The following SEMA5A variants were observed in gnomAD, a reference collection of about 807,000 sequenced individuals.
SEMA5A encodes the protein semaphorin 5A, also known as semaphorin-5A.
SEMA5A carries 55 observed loss-of-function variants against 135.5 expected under a neutral mutation model. The ratio of observed to expected loss-of-function variants is 0.41; its 90% confidence interval spans 0.33 to 0.51. The LOEUF (loss-of-function observed/expected upper bound fraction) is 0.51. SEMA5A is among the 20% of genes least tolerant of loss of function. The pLI is 0.37. For synonymous variants in SEMA5A, 580 were observed against 546.5 expected, an observed-to-expected ratio of 1.06 and a Z score of -0.85; for missense variants, 1,290 against 1,419.9, an observed-to-expected ratio of 0.91 and a Z score of 1.47.
intron 5 of SEMA5A, among the ~76,000 whole-genome samples, chr5:9,313,259 A>G (rs376414470): frequency 6.6e-6 from 1 of 152,192 alleles, no homozygotes; most frequent in African/African-American, 2.4e-5. Context: ...ACAAGTGGTT[A>G]GTATGTAAGG....
At chr5:9,292,699 G>GA (rs1184744161) in intron 5 of SEMA5A, among the ~76,000 whole-genome samples, 3 of 152,024 alleles carry the variant, frequency 2.0e-5, no homozygotes, top group East Asian at 1.9e-4. Flanking sequence ...TCCATACAAA[G>GA]AAAAAAATCA....
intron 16 of SEMA5A, among the ~76,000 whole-genome samples, chr5:9,078,137 G>A (rs1282765730): frequency 6.6e-6 from 1 of 152,176 alleles, no homozygotes; most frequent in East Asian, 1.9e-4. Context: ...GAGAGCAAAA[G>A]CCAGGAATTC....
At chr5:9,375,569 T>C (rs549650646) in intron 3 of SEMA5A, among the ~76,000 whole-genome samples, 1 of 149,854 alleles carries the variant, frequency 6.7e-6, no homozygotes, top group South Asian at 2.2e-4. Context: ...CCTCCAGAAC[T>C]GTAAGAAGAG....
chr5:9,468,628 T>C (rs866437551), intron 1 of SEMA5A, among the ~76,000 whole-genome samples: 1 of 152,242 alleles, frequency 6.6e-6, no homozygotes, highest in African/African-American at 2.4e-5. Flanking sequence ...ATTCAGGCTG[T>C]CTATATTTCT....
intron 2 of SEMA5A, among the ~76,000 whole-genome samples, chr5:9,426,032 T>C (rs1041615392): frequency 1.3e-5 from 2 of 152,194 alleles, no homozygotes; most frequent in Non-Finnish European, 2.9e-5. Flanking sequence ...AAGCAGTATC[T>C]GGGACACAGG....
At chr5:9,077,372 T>C (rs1405980112) in intron 16 of SEMA5A, among the ~76,000 whole-genome samples, 2 of 152,212 alleles carry the variant, frequency 1.3e-5, no homozygotes, top group African/African-American at 4.8e-5. Flanking sequence ...GAGAGGTTAA[T>C]GATTTAGATA....
chr5:9,527,304 C>A (rs539625329), intron 1 of SEMA5A, among the ~76,000 whole-genome samples: 13 of 152,296 alleles, frequency 8.5e-5, no homozygotes, highest in Non-Finnish European at 1.6e-4. Flanking sequence ...GCTAGCAAGA[C>A]TTCAATGCAG....
intron 8 of SEMA5A, among the ~76,000 whole-genome samples, chr5:9,207,116 A>ATATATATATG (rs1554003367): frequency 5.2e-5 from 7 of 135,282 alleles, no homozygotes; most frequent in Non-Finnish European, 9.5e-5. Context: ...ATATATATAT[A>ATATATATATG]TATATATATA....
At chr5:9,097,893 G>A (rs999140752) in intron 16 of SEMA5A, among the ~76,000 whole-genome samples, 1 of 152,174 alleles carries the variant, frequency 6.6e-6, no homozygotes, top group Non-Finnish European at 1.5e-5. Context: ...CTTGGCTGTT[G>A]GTAAGAGGGA....
chr5:9,146,431 C>T (rs184873093), intron 12 of SEMA5A, among the ~76,000 whole-genome samples: 126 of 152,252 alleles, frequency 8.3e-4, no homozygotes, highest in African/African-American at 2.9e-3. Context: ...AATCAGAGAA[C>T]AATCGTTGAA....
intron 11 of SEMA5A, among the ~76,000 whole-genome samples, chr5:9,181,964 C>A (rs1381449029): frequency 2.0e-5 from 3 of 151,960 alleles, no homozygotes; most frequent in Non-Finnish European, 4.4e-5. Flanking sequence ...CCTCAACTCA[C>A]CCCAATCTCT....
At chr5:9,327,171 G>A (rs10475462) in intron 4 of SEMA5A, among the ~76,000 whole-genome samples, 17,120 of 151,946 alleles carry the variant, frequency 0.11, 1,057 homozygotes, top group South Asian at 0.19. Context: ...TTAAATCACA[G>A]TTTTTAATTC....
At chr5:9,279,425 A>T (rs796548640) in intron 5 of SEMA5A, among the ~76,000 whole-genome samples, 15 of 152,274 alleles carry the variant, frequency 9.9e-5, no homozygotes, top group African/African-American at 3.6e-4. Context: ...CTTGTGTCAG[A>T]TGTGACTTTG....
At chr5:9,459,963 G>A (rs930256227) in intron 1 of SEMA5A, among the ~76,000 whole-genome samples, 2 of 152,116 alleles carry the variant, frequency 1.3e-5, no homozygotes, top group African/African-American at 2.4e-5. Flanking sequence ...TTCTGCAGTG[G>A]TTCTAAAGAA....
At chr5:9,492,196 A>C (rs145281619) in intron 1 of SEMA5A, among the ~76,000 whole-genome samples, 2 of 152,364 alleles carry the variant, frequency 1.3e-5, no homozygotes, top group East Asian at 3.9e-4. Flanking sequence ...AGTAAATGTT[A>C]TGAGTTGGAA....
At chr5:9,387,143 G>A (rs574497899) in intron 2 of SEMA5A, among the ~76,000 whole-genome samples, 101 of 152,314 alleles carry the variant, frequency 6.6e-4, no homozygotes, top group African/African-American at 2.4e-3. Context: ...TACAGCCCAA[G>A]CTCTCTGCTC....
At chr5:9,077,211 T>C (rs6555591) in intron 16 of SEMA5A, among the ~76,000 whole-genome samples, 133,720 of 152,156 alleles carry the variant, frequency 0.88, 58,863 homozygotes, top group East Asian at 0.96. Context: ...AACACCAAAA[T>C]GCCTTTGCAA....
intron 6 of SEMA5A, among the ~76,000 whole-genome samples, chr5:9,228,873 C>T (rs1747466431): frequency 6.6e-6 from 1 of 152,190 alleles, no homozygotes; most frequent in East Asian, 1.9e-4. Context: ...ACCAAATGGA[C>T]CCCCACTCTA....
chr5:9,052,552 C>A (rs1057125956), intron 19 of SEMA5A, among the ~76,000 whole-genome samples: 3 of 152,164 alleles, frequency 2.0e-5, no homozygotes, highest in Non-Finnish European at 4.4e-5. Flanking sequence ...CAATTACTTT[C>A]TTTTCTGTTA....
Sources: gnomAD v4.1 joint callset for allele counts (sites outside exome capture counted in the v4.1 genomes callset) on GRCh38, gnomAD v4.1.1 for gene constraint, MANE v1.5 for transcripts, NCBI Gene and HGNC (gene_info 2026-07-23, HGNC 2026-07-21) for gene names.